The following PCDHGC3 variants were observed in gnomAD, a reference collection of about 807,000 sequenced individuals.
PCDHGC3 encodes the protein protocadherin gamma-C3.
PCDHGC3 carries 26 observed loss-of-function variants against 59.2 expected under a neutral mutation model. The observed-to-expected ratio is 0.44, with a 90% CI of 0.32 to 0.61. The LOEUF is 0.61. Ranked by LOEUF, PCDHGC3 falls within the 20% of genes least tolerant of loss-of-function variation. The probability of loss-of-function intolerance (pLI) is 0.05; values close to 1 mark genes in which losing one functional copy is unlikely to be tolerated. For missense variants in PCDHGC3, 1,080 were observed against 1,221.8 expected, an observed-to-expected ratio of 0.88 and a Z score of 1.73; for synonymous variants, 487 against 519.7, an observed-to-expected ratio of 0.94 and a Z score of 0.86.
In PCDHGC3 at chr5:141,486,645, C is replaced by G. The variant is rs369948556; in HGVS notation, c.2430+8099C>G. ...GACTCTGGCTTGAATGCGCTTATCT[C>G]CTACTCACTCCTGGAGCCCAGGAAT... On this transcript the variant is annotated intron_variant, in intron 1 of 3. Coordinates refer to ENST00000308177, the MANE Select transcript of PCDHGC3 (RefSeq NM_002588.4). The surrounding 1 kb of genome is among the most constrained non-coding windows in gnomAD (Gnocchi z 5.0). 4.3e-6 allele frequency: 7 copies of G among 1,613,752 alleles called. No individual in the cohort carries two copies. The Admixed American group carries it at 6.7e-5, about 15-fold the overall frequency.
At chr5:141,482,116 T>C (rs1017195289) in intron 1 of PCDHGC3, among the ~76,000 whole-genome samples, 4 of 150,222 alleles carry the variant, frequency 2.7e-5, no homozygotes, top group South Asian at 2.1e-4. Context: ...TATCTAGAGA[T>C]GGGAGAATCA....
At position 141,508,909 on chromosome 5, in the gene PCDHGC3, G is replaced by A. The variant is rs545345992; in HGVS notation, c.2579-2038G>A. ...GAGGGGAGGGGGCGGGGCGGTGGCG[G>A]ATCTGGCTTCCTTTTGGAGTTAATT... is the stretch of plus-strand genomic sequence containing the variant. On this transcript the variant is annotated intron_variant, in intron 3 of 3. Coordinates refer to ENST00000308177, the MANE Select transcript of PCDHGC3 (RefSeq NM_002588.4). 2.0e-5 allele frequency among the ~76,000 whole-genome samples: 3 copies of A among 152,202 alleles called. No homozygotes were observed. The South Asian group carries it at 6.2e-4, about 32-fold the overall frequency.
intron 2 of PCDHGC3, among the ~76,000 whole-genome samples, chr5:141,505,122 A>G (rs2099843899): frequency 6.6e-6 from 1 of 152,194 alleles, no homozygotes; most frequent in Non-Finnish European, 1.5e-5. Context: ...AGATCGCGCC[A>G]CTGCACTCCA....
chr5:141,487,451 A>G lies in PCDHGC3; in HGVS notation c.2431-7356A>G. 6.2e-7 allele frequency: 1 copy of G among 1,614,122 alleles called. No homozygotes were observed. Among genetic ancestry groups the G allele is most frequent in the Non-Finnish European group, 8.5e-7 (1 of 1,180,006 alleles). On this transcript the variant is annotated intron_variant, in intron 1 of 3. Transcript: ENST00000308177. This position sits in a 1 kb window ranked among gnomAD's most constrained non-coding sequence, Gnocchi z 5.0. ...AATCCAGCTAGGGTCAGATGACCCT[A>G]TCAAGTTTGTTGATGTGGGAGGCCA...
chr5:141,483,946 T>C (rs374723616), intron 1 of PCDHGC3, among the ~76,000 whole-genome samples: 127 of 148,696 alleles, frequency 8.5e-4, no homozygotes, highest in Non-Finnish European at 1.5e-3. Flanking sequence ...ACGGTGTGAA[T>C]TGTGTTGTGT....
Position 141,485,057 on chromosome 5 carries a change from C to A in PCDHGC3, c.2430+6511C>A, listed in dbSNP as rs2099605934. ...GTAACCCTTGCGGCGCCGGCCGAACCGCGCCAGAGCTGGCGCGGGGAAAGG... is the reference window on the plus strand; with the variant it reads ...GTAACCCTTGCGGCGCCGGCCGAACAGCGCCAGAGCTGGCGCGGGGAAAGG... On this transcript the variant is annotated intron_variant, in intron 1 of 3. Coordinates refer to ENST00000308177, the MANE Select transcript of PCDHGC3 (RefSeq NM_002588.4). The surrounding 1 kb of genome is among the most constrained non-coding windows in gnomAD (Gnocchi z 5.7). The A allele has an allele frequency of 2.4e-6, 2 of 843,718 alleles. No homozygotes were observed. Among genetic ancestry groups the A allele is most frequent in the South Asian group, 1.7e-5 (1 of 59,950 alleles). 52.3% of individuals were successfully genotyped at this position (843,718 alleles called of 1,614,324 possible).
At position 141,511,140 on chromosome 5, in the gene PCDHGC3, C is replaced by G. The variant is rs1405623579; in HGVS notation, c.2772C>G (p.Asn924Lys). Residue 924 changes from asparagine (N) to lysine (K), a missense_variant, in exon 4 of 4, where the codon AAC becomes AAG. Physicochemically the swap from Asn to Lys is moderately conservative, Grantham distance 94. Transcript: ENST00000308177. ...AGGCCCCAGCAGGTGGCAATGGCAACAAGAAGAAGTCGGGCAAGAAGGAGA... is the reference window on the plus strand; with the variant it reads ...AGGCCCCAGCAGGTGGCAATGGCAAGAAGAAGAAGTCGGGCAAGAAGGAGA... Reference protein sequence around the residue: ...DGKAPAGGNGNKKKSGKKEKK With the variant: ...DGKAPAGGNGKKKKSGKKEKK 2.5e-6 allele frequency: 4 copies of G among 1,614,068 alleles called. No homozygotes were observed. Among genetic ancestry groups the G allele is most frequent in the Admixed American group, 1.7e-5 (1 of 60,008 alleles).
rs2099694486 is a variant in PCDHGC3 at position 141,489,987 on chromosome 5, G to A, written c.2431-4820G>A. The A allele has an allele frequency of 1.2e-6, 2 of 1,614,106 alleles. No homozygotes were observed. The highest frequency in any genetic ancestry group is 1.3e-5 in the African/African-American group (1 of 74,932). The stretch of plus-strand genomic sequence containing the variant: ...CCTTCCAATCCTCAGTTCTACGTGT[G>A]GGAATCCCAGAGAATGCACCCATTG... On this transcript the variant is annotated intron_variant, in intron 1 of 3. Coordinates refer to ENST00000308177, the MANE Select transcript of PCDHGC3 (RefSeq NM_002588.4). The surrounding 1 kb of genome is among the most constrained non-coding windows in gnomAD (Gnocchi z 4.5).
Position 141,489,153 on chromosome 5 carries a change from G to T in PCDHGC3, c.2431-5654G>T. 1 of 935,828 alleles carries T rather than the reference G, an allele frequency of 1.1e-6. No individual in the cohort carries two copies. Among genetic ancestry groups the T allele is most frequent in the South Asian group, 1.8e-5 (1 of 55,006 alleles). 58.0% of individuals were successfully genotyped at this position (935,828 alleles called of 1,614,324 possible). A position where few individuals can be genotyped will look rare whatever the true frequency, so the allele number is the denominator to read the frequency against. Reference sequence around the variant, plus strand: ...TTTAAGAGGCTGGAAGGAGACATAAGAGACTTCAGCTGCTGCATTCCAAGC... The same window carrying T: ...TTTAAGAGGCTGGAAGGAGACATAATAGACTTCAGCTGCTGCATTCCAAGC... On this transcript the variant is annotated intron_variant, in intron 1 of 3. Transcript: ENST00000308177. The surrounding 1 kb of genome is among the most constrained non-coding windows in gnomAD (Gnocchi z 4.5).
intron 2 of PCDHGC3, among the ~76,000 whole-genome samples, chr5:141,499,670 C>T (rs1477227784): frequency 6.6e-6 from 1 of 151,412 alleles, no homozygotes; most frequent in African/African-American, 2.4e-5. Flanking sequence ...TCTTGGTCTC[C>T]ACCATCTTTA....
chr5:141,489,991 A>G lies in PCDHGC3; in HGVS notation c.2431-4816A>G, dbSNP rs1157441385. On this transcript the variant is annotated intron_variant, in intron 1 of 3. Coordinates refer to ENST00000308177, the MANE Select transcript of PCDHGC3 (RefSeq NM_002588.4). The surrounding 1 kb of genome is among the most constrained non-coding windows in gnomAD (Gnocchi z 4.5). Reference sequence around the variant, plus strand: ...CCAATCCTCAGTTCTACGTGTGGGAATCCCAGAGAATGCACCCATTGGTAC... The same window carrying G: ...CCAATCCTCAGTTCTACGTGTGGGAGTCCCAGAGAATGCACCCATTGGTAC... The G allele has an allele frequency of 6.2e-7, 1 of 1,614,228 alleles. No individual in the cohort carries two copies. Among genetic ancestry groups the G allele is most frequent in the South Asian group, 1.1e-5 (1 of 91,090 alleles).
chr5:141,505,335 A>G, intron 2 of PCDHGC3, 58 bp from the exon 3 acceptor site: 1 of 1,611,086 alleles, frequency 6.2e-7, no homozygotes, highest in Non-Finnish European at 8.5e-7. Flanking sequence ...AGAGGACAGG[A>G]GGGGCATGAG....
At chr5:141,509,805 G>A (rs150684746) in intron 3 of PCDHGC3, among the ~76,000 whole-genome samples, 2 of 152,248 alleles carry the variant, frequency 1.3e-5, no homozygotes, top group Middle Eastern at 3.4e-3. Flanking sequence ...GCTTCATAGA[G>A]CCGAGCTCTT....
At position 141,485,541 on chromosome 5, in the gene PCDHGC3, T is replaced by A; in HGVS notation, c.2430+6995T>A. 2 of 1,613,902 alleles carry A rather than the reference T, an allele frequency of 1.2e-6. No homozygotes were observed. Among genetic ancestry groups the A allele is most frequent in the Non-Finnish European group, 1.7e-6 (2 of 1,179,958 alleles). ...GAAATGTACCGAGCAGAGGTAGAGATCGTAGATGTGAATGATCACGCCCCC... is the reference window on the plus strand; with the variant it reads ...GAAATGTACCGAGCAGAGGTAGAGAACGTAGATGTGAATGATCACGCCCCC... On this transcript the variant is annotated intron_variant, in intron 1 of 3. Coordinates refer to ENST00000308177, the MANE Select transcript of PCDHGC3 (RefSeq NM_002588.4). The surrounding 1 kb of genome is among the most constrained non-coding windows in gnomAD (Gnocchi z 5.7).
In PCDHGC3 at chr5:141,487,680, A is replaced by G; in HGVS notation, c.2431-7127A>G. On this transcript the variant is annotated intron_variant, in intron 1 of 3. Coordinates refer to ENST00000308177, the MANE Select transcript of PCDHGC3 (RefSeq NM_002588.4). This position sits in a 1 kb window ranked among gnomAD's most constrained non-coding sequence, Gnocchi z 5.0. ...TCTGATCCAGGCATATGGCTAGGCC[A>G]TGTCCTAGAGAGTACTGGCCTCTCA... 6.2e-7 allele frequency: 1 copy of G among 1,609,370 alleles called. No individual in the cohort carries two copies. The highest frequency in any genetic ancestry group is 2.2e-5 in the East Asian group (1 of 44,826).
chr5:141,494,671 C>T, intron 1 of PCDHGC3, 136 bp from the exon 2 acceptor site: 1 of 1,532,340 alleles, frequency 6.5e-7, no homozygotes, highest in East Asian at 2.4e-5. Context: ...GAGATGAGTC[C>T]ACCCCTGCCC....
rs1430647254 is a variant in PCDHGC3 at position 141,477,750 on chromosome 5, C to T, written c.1634C>T (p.Pro545Leu). Residue 545 changes from proline (P) to leucine (L), a missense_variant, in exon 1 of 4, where the codon CCG becomes CTG. Coordinates refer to ENST00000308177, the MANE Select transcript of PCDHGC3 (RefSeq NM_002588.4). This position sits in a 1 kb window ranked among gnomAD's most constrained non-coding sequence, Gnocchi z 4.9. ...LTAHISDGGT[P>L]VLATNISVNI... ...GCTCATATCAGCGATGGGGGCACCC[C>T]GGTCCTAGCCACCAACATCAGCGTG... 8 of 1,613,772 alleles carry T rather than the reference C, an allele frequency of 5.0e-6. No individual in the cohort carries two copies. Among genetic ancestry groups the T allele is most frequent in the East Asian group, 2.2e-5 (1 of 44,890 alleles).
chr5:141,482,530 C>CAAAAAAAAAAA (rs3074545), intron 1 of PCDHGC3, among the ~76,000 whole-genome samples: 21 of 76,546 alleles, frequency 2.7e-4, no homozygotes, highest in African/African-American at 4.8e-4. Context: ...GACAGACATG[C>CAAAAAAAAAAA]AAAAAAAAAA....
chr5:141,485,446 C>A lies in PCDHGC3; in HGVS notation c.2430+6900C>A. On this transcript the variant is annotated intron_variant, in intron 1 of 3. Transcript: ENST00000308177. This position sits in a 1 kb window ranked among gnomAD's most constrained non-coding sequence, Gnocchi z 5.7. ...CCCTGCTCATCAAGAACCCAATCGA[C>A]CGAGAGGCACTGTGTGGGCTCAGTG... is the stretch of plus-strand genomic sequence containing the variant. 6.2e-7 allele frequency: 1 copy of A among 1,614,156 alleles called. No individual in the cohort carries two copies. The highest frequency in any genetic ancestry group is 8.5e-7 in the Non-Finnish European group (1 of 1,180,018).
Sources: allele counts gnomAD v4.1 joint callset (sites outside exome capture counted in the v4.1 genomes callset), GRCh38; gene constraint gnomAD v4.1.1; non-coding constraint Gnocchi (gnomAD v3.1); transcripts MANE v1.5; gene names NCBI Gene and HGNC (gene_info 2026-07-23, HGNC 2026-07-21).